CNTN4: variants seen among roughly 807,000 people sequenced by gnomAD.
The protein encoded by CNTN4 is contactin 4.
A neutral mutation model predicts 122.5 loss-of-function variants in CNTN4; 77 were observed. The observed-to-expected ratio is 0.63, with a 90% confidence interval of 0.52 to 0.76. The LOEUF is 0.76. Among genes scored for constraint, CNTN4 ranks in the 30% least tolerant of loss-of-function variants. The pLI, the probability that CNTN4 is intolerant of heterozygous loss-of-function variation, is 0.00. For synonymous variants in CNTN4, 512 were observed against 447.0 expected, an observed-to-expected ratio of 1.15 and a Z score of -1.83; for missense variants, 1,256 against 1,259.1, an observed-to-expected ratio of 1.00 and a Z score of 0.04.
intron 17 of CNTN4, among the ~76,000 whole-genome samples, chr3:3,036,083 T>G (rs1042898664): frequency 4.6e-5 from 7 of 152,222 alleles, no homozygotes; most frequent in Non-Finnish European, 7.3e-5. Flanking sequence ...TACCTCCAAA[T>G]TGACTCATTT....
chr3:2,293,874 C>G (rs927656533), intron 2 of CNTN4, among the ~76,000 whole-genome samples: 3 of 151,960 alleles, frequency 2.0e-5, no homozygotes, highest in African/African-American at 7.3e-5. Context: ...TGTCACAAAC[C>G]CCAAAACTCA....
intron 2 of CNTN4, among the ~76,000 whole-genome samples, chr3:2,207,382 C>T (rs1011404944): frequency 6.6e-6 from 1 of 152,088 alleles, no homozygotes; most frequent in East Asian, 1.9e-4. Context: ...AAAGGTAGGT[C>T]TCTGGCATCA....
rs191149677 is a variant in CNTN4 at position 2,540,282 on chromosome 3, C to T, written c.-88-31134C>T. 1.5e-4 allele frequency among the ~76,000 whole-genome samples: 23 copies of T among 152,052 alleles called. No individual in the cohort carries two copies. In the East Asian group the frequency reaches 4.3e-3, roughly 28 times the overall value. On this transcript the variant is annotated intron_variant, in intron 3 of 24. Transcript: ENST00000418658. Reference sequence around the variant, plus strand: ...GTATGTGGTTGAATGGTAACAGGCACCCAAGGTTTGGTTACGTGGGATTGC... The same window carrying T: ...GTATGTGGTTGAATGGTAACAGGCATCCAAGGTTTGGTTACGTGGGATTGC...
intron 3 of CNTN4, among the ~76,000 whole-genome samples, chr3:2,499,060 A>G (rs186564218): frequency 2.6e-5 from 4 of 152,326 alleles, no homozygotes; most frequent in Admixed American, 2.6e-4. Context: ...AAGTGCTGGG[A>G]TTACAGGCGT....
At chr3:2,301,717 C>G (rs2042531960) in intron 2 of CNTN4, among the ~76,000 whole-genome samples, 1 of 152,212 alleles carries the variant, frequency 6.6e-6, no homozygotes, top group African/African-American at 2.4e-5. Flanking sequence ...CTGAGTTTAA[C>G]TGACTCAGAT....
intron 3 of CNTN4, among the ~76,000 whole-genome samples, chr3:2,383,416 C>T (rs1401866060): frequency 6.6e-6 from 1 of 152,144 alleles, no homozygotes; most frequent in Non-Finnish European, 1.5e-5. Context: ...ACAGTTTTAA[C>T]TGCCTTAATC....
chr3:2,901,960 A>G (rs1454858134), intron 11 of CNTN4, among the ~76,000 whole-genome samples: 1 of 152,148 alleles, frequency 6.6e-6, no homozygotes, highest in South Asian at 2.1e-4. Flanking sequence ...AGTGAGACCA[A>G]TGTAAGTTTC....
Position 2,933,560 on chromosome 3 carries a change from T to G in CNTN4, c.1358+7781T>G, listed in dbSNP as rs138526895. ...AAGCTTAACTTTTTCTTTGGCATAG[T>G]GAGTTTGGAGTCCCAAGATTCTATT... On this transcript the variant is annotated intron_variant, in intron 13 of 24. Transcript: ENST00000418658. 9.8e-3 allele frequency among the ~76,000 whole-genome samples: 1,486 copies of G among 152,284 alleles called. 16 individuals carry two copies. Among genetic ancestry groups the G allele is most frequent in the South Asian group, 0.015 (70 of 4,826 alleles).
intron 14 of CNTN4, among the ~76,000 whole-genome samples, chr3:3,025,080 T>G (rs1698616209): frequency 6.6e-6 from 1 of 152,196 alleles, no homozygotes; most frequent in Non-Finnish European, 1.5e-5. Flanking sequence ...TACATTGAAT[T>G]CAAACTGCTT....
intron 4 of CNTN4, among the ~76,000 whole-genome samples, chr3:2,616,216 A>T (rs1336113280): frequency 4.7e-5 from 7 of 150,156 alleles, no homozygotes; most frequent in Non-Finnish European, 1.0e-4. Context: ...TCATTGTTCA[A>T]CTCCCACTTA....
intron 2 of CNTN4, among the ~76,000 whole-genome samples, chr3:2,182,310 A>T (rs553016198): frequency 6.6e-6 from 1 of 152,024 alleles, no homozygotes; most frequent in East Asian, 1.9e-4. Flanking sequence ...ATACACATAT[A>T]TATCTATCCT....
chr3:2,790,904 A>C (rs2091987639), intron 6 of CNTN4, among the ~76,000 whole-genome samples: 1 of 152,172 alleles, frequency 6.6e-6, no homozygotes, highest in African/African-American at 2.4e-5. Context: ...CAGACATGAC[A>C]GATATTATTA....
At chr3:2,753,547 G>A (rs2149624566) in intron 6 of CNTN4, among the ~76,000 whole-genome samples, 1 of 152,274 alleles carries the variant, frequency 6.6e-6, no homozygotes, top group Non-Finnish European at 1.5e-5. Context: ...TACAGCAGTG[G>A]GAGAAGGGAC....
intron 4 of CNTN4, among the ~76,000 whole-genome samples, chr3:2,592,001 C>T (rs1043117096): frequency 6.6e-6 from 1 of 152,100 alleles, no homozygotes; most frequent in East Asian, 1.9e-4. Context: ...CCTCAGCCTC[C>T]CTAGTATGCT....
At chr3:2,240,777 TTA>T (rs1357944231) in intron 2 of CNTN4, among the ~76,000 whole-genome samples, 1 of 152,160 alleles carries the variant, frequency 6.6e-6, no homozygotes, top group Non-Finnish European at 1.5e-5. Context: ...ATATTAAAAA[TTA>T]TATTTTAAAC....
intron 3 of CNTN4, among the ~76,000 whole-genome samples, chr3:2,472,830 G>A (rs1309235341): frequency 1.3e-5 from 2 of 152,280 alleles, no homozygotes; most frequent in South Asian, 4.1e-4. Flanking sequence ...TGAACTAAAA[G>A]TATAAGATTG....
intron 7 of CNTN4, among the ~76,000 whole-genome samples, chr3:2,844,686 A>G (rs1365808581): frequency 3.3e-5 from 5 of 152,206 alleles, no homozygotes; most frequent in African/African-American, 1.2e-4. Context: ...AAGTCAACCA[A>G]CAATGCCTGT....
intron 2 of CNTN4, among the ~76,000 whole-genome samples, chr3:2,253,752 C>T (rs1260544546): frequency 2.0e-5 from 3 of 152,216 alleles, no homozygotes; most frequent in South Asian, 4.2e-4. Context: ...ATCTATCCTC[C>T]CGCCTCAGCC....
chr3:2,373,105 C>G (rs775593348), intron 3 of CNTN4, among the ~76,000 whole-genome samples: 6 of 152,082 alleles, frequency 3.9e-5, no homozygotes, highest in Non-Finnish European at 8.8e-5. Context: ...GTTTCTAATC[C>G]CCCTGGGGTT....
Sources: gnomAD v4.1 joint callset for allele counts (sites outside exome capture counted in the v4.1 genomes callset) on GRCh38, gnomAD v4.1.1 for gene constraint, MANE v1.5 for transcripts, NCBI Gene and HGNC (gene_info 2026-07-23, HGNC 2026-07-21) for gene names.